The following STIL variants were observed in gnomAD, a reference collection of about 807,000 sequenced individuals.
The protein encoded by STIL is SCL-interrupting locus protein.
Under a neutral mutation model 110.1 loss-of-function variants are expected in STIL, and 55 were observed. The observed-to-expected ratio is 0.50, with a 90% confidence interval of 0.40 to 0.63. The LOEUF is 0.63. STIL is among the 20% of genes least tolerant of loss of function. STIL has a pLI of 0.00. For synonymous variants in STIL, 481 were observed against 530.0 expected (o/e 0.91, Z 1.27); for missense variants, 1,358 against 1,530.0 (o/e 0.89, Z 1.87).
intron 2 of STIL, among the ~76,000 whole-genome samples, chr1:47,305,989 C>T (rs1406146431): frequency 6.6e-6 from 1 of 151,934 alleles, no homozygotes; most frequent in Admixed American, 6.6e-5. Context: ...CCTCAGCCTC[C>T]CAAAGTGCTG....
At chr1:47,266,424 T>C (rs1287482943) in intron 14 of STIL, among the ~76,000 whole-genome samples, 2 of 152,222 alleles carry the variant, frequency 1.3e-5, no homozygotes, top group Non-Finnish European at 2.9e-5. Flanking sequence ...ATGGCACTTA[T>C]CATAGATCAC....
chr1:47,278,742 G>C (rs11211504), intron 12 of STIL, among the ~76,000 whole-genome samples: 1 of 151,644 alleles, frequency 6.6e-6, no homozygotes, highest in African/African-American at 2.4e-5. Context: ...AAAGCAGAAA[G>C]ATCACTTGAG....
Position 47,289,547 on chromosome 1 carries a change from T to G in STIL, c.911A>C (p.Tyr304Ser), listed in dbSNP as rs758441077. The G allele has an allele frequency of 6.2e-7, 1 of 1,613,724 alleles. No individual in the cohort carries two copies. The highest frequency in any genetic ancestry group is 2.2e-5 in the East Asian group (1 of 44,850). ...SESGNFIIVLYSMTHKEPEFY... is the reference protein window; with the variant it reads ...SESGNFIIVLSSMTHKEPEFY... The stretch of plus-strand genomic sequence containing the variant: ...CTCAGGTTCCTTATGTGTCATAGAA[T>G]AGAGAACTATGATGAAATTTCCAGA... The change falls in exon 9 of 17, where the codon TAT becomes TCT. Residue 304 changes from tyrosine (Y) to serine (S), a missense_variant. Physicochemically the swap from Tyr to Ser is moderately radical, Grantham distance 144. Transcript: ENST00000371877.
chr1:47,259,006 T>TTTTTTTTTTTTTTG (rs55925437), intron 16 of STIL, among the ~76,000 whole-genome samples: 3 of 51,696 alleles, frequency 5.8e-5, no homozygotes, highest in Admixed American at 1.4e-4. Context: ...TTTTTTTTTT[T>TTTTTTTTTTTTTTG]GAGACAGTCT....
chr1:47,260,639 A>G (rs1458308093), intron 15 of STIL, 100 bp from the exon 16 acceptor site: 2 of 1,279,000 alleles, frequency 1.6e-6, no homozygotes, highest in East Asian at 2.4e-5. Context: ...TTGGGAAGCC[A>G]AGGCAGGAAG....
chr1:47,270,249 T>TACACACACACAC (rs1277764959), intron 13 of STIL, among the ~76,000 whole-genome samples: 4 of 75,246 alleles, frequency 5.3e-5, no homozygotes, highest in South Asian at 3.8e-4. Flanking sequence ...AAAATATATA[T>TACACACACACAC]ATATATACAC....
Position 47,280,684 on chromosome 1 carries a change from G to A in STIL, c.1774C>T (p.Pro592Ser), listed in dbSNP as rs1435204178. The A allele has an allele frequency of 3.1e-6, 5 of 1,614,104 alleles. No individual in the cohort carries two copies. In the Admixed American group the frequency reaches 8.3e-5, roughly 27 times the overall value. The change falls in exon 12 of 17, where the codon CCC (proline) becomes TCC (serine). Residue 592 changes from proline (P) to serine (S), a missense_variant. Transcript: ENST00000371877. ...GRPMELQIPTPPLPSYCSTNV... is the reference protein window; with the variant it reads ...GRPMELQIPTSPLPSYCSTNV... Reference sequence around the variant, plus strand: ...GTGGAACAGTAAGATGGCAGTGGGGGAGTAGGTATCTGAAGTTCCATTGGT... The same window carrying A: ...GTGGAACAGTAAGATGGCAGTGGGGAAGTAGGTATCTGAAGTTCCATTGGT...
chr1:47,270,488 GGTGT>G (rs1644804616), intron 13 of STIL, among the ~76,000 whole-genome samples: 1 of 151,450 alleles, frequency 6.6e-6, no homozygotes, highest in Non-Finnish European at 1.5e-5. Flanking sequence ...CGTGGGATGG[GGTGT>G]GTATGTTGAA....
rs549227243 is a variant in STIL at position 47,258,992 on chromosome 1, C to CTTTTT, written c.3080+1292_3080+1296dup. ...GAAATGGTTAAGAGAAGTAACTTTG[C>CTTTTT]TTTTTTTTTTTTTTGAGACAGTCTT... is the stretch of plus-strand genomic sequence containing the variant. On this transcript the variant is annotated intron_variant, in intron 16 of 16. Transcript: ENST00000371877. Among the ~76,000 whole-genome samples, 53 of 94,422 alleles carry CTTTTT rather than the reference C, an allele frequency of 5.6e-4. 1 individual carries two copies. The highest frequency in any genetic ancestry group is 1.1e-3 in the Admixed American group (9 of 8,116). The allele number at this position is 94,422 out of a possible 152,430, so 61.9% of individuals were successfully genotyped here. A position where few individuals can be genotyped will look rare whatever the true frequency, so the allele number is the denominator to read the frequency against.
intron 15 of STIL, among the ~76,000 whole-genome samples, chr1:47,262,289 CTATCCTT>C (rs1644508959): frequency 6.6e-6 from 1 of 152,194 alleles, no homozygotes; most frequent in African/African-American, 2.4e-5. Context: ...CAGGGTTTCT[CTATCCTT>C]TAAGTCCCAG....
At chr1:47,293,988 CAGAA>C (rs1461311003) in intron 7 of STIL, among the ~76,000 whole-genome samples, 1 of 152,152 alleles carries the variant, frequency 6.6e-6, no homozygotes, top group Non-Finnish European at 1.5e-5. Context: ...TACAGGTAGT[CAGAA>C]AGAGAGAAGG....
chr1:47,256,378 T>C (rs1644326875), intron 16 of STIL, among the ~76,000 whole-genome samples: 1 of 152,074 alleles, frequency 6.6e-6, no homozygotes, highest in Admixed American at 6.6e-5. Flanking sequence ...ATCCCAGCAC[T>C]TTGGGAGGCC....
intron 7 of STIL, 53 bp downstream of exon 7, chr1:47,295,712 T>C: frequency 3.3e-6 from 4 of 1,210,782 alleles, no homozygotes; most frequent in Non-Finnish European, 4.9e-6. Context: ...ATGCTTATCA[T>C]ATACATTTGA....
At chr1:47,302,442 T>A in intron 3 of STIL, 96 bp from the exon 4 acceptor site, 1 of 957,218 alleles carries the variant, frequency 1.0e-6, no homozygotes, top group South Asian at 1.4e-5. Flanking sequence ...CACACATTTT[T>A]AAAAATGTAC....
chr1:47,279,979 A>G (rs1381158100), intron 12 of STIL, among the ~76,000 whole-genome samples: 1 of 152,194 alleles, frequency 6.6e-6, no homozygotes, highest in East Asian at 1.9e-4. Flanking sequence ...GGCAAAAAAT[A>G]AAAATACAAT....
chr1:47,275,950 G>T (rs1452439010), intron 12 of STIL, among the ~76,000 whole-genome samples: 1 of 151,452 alleles, frequency 6.6e-6, no homozygotes, highest in Non-Finnish European at 1.5e-5. Context: ...TTATAATCTT[G>T]AAAGGAAGAA....
At chr1:47,268,190 T>C (rs970326699) in intron 14 of STIL, among the ~76,000 whole-genome samples, 1 of 152,234 alleles carries the variant, frequency 6.6e-6, no homozygotes, top group Non-Finnish European at 1.5e-5. Flanking sequence ...CTCATGCCTA[T>C]AATCCCAGCA....
chr1:47,310,405 A>G (rs967846238), intron 1 of STIL, 43 bp from the exon 2 acceptor site: 13 of 1,270,884 alleles, frequency 1.0e-5, no homozygotes, highest in Non-Finnish European at 1.3e-5. Context: ...GATAAAAACA[A>G]AGAAGAAAAA....
At chr1:47,292,389 C>G (rs1645520476) in intron 8 of STIL, among the ~76,000 whole-genome samples, 1 of 151,920 alleles carries the variant, frequency 6.6e-6, no homozygotes, top group Non-Finnish European at 1.5e-5. Context: ...TACTCTTTGG[C>G]CTAGAAAAAA....
Sources: allele counts gnomAD v4.1 joint callset (sites outside exome capture counted in the v4.1 genomes callset), GRCh38; gene constraint gnomAD v4.1.1; transcripts MANE v1.5; gene names NCBI Gene and HGNC (gene_info 2026-07-23, HGNC 2026-07-21).